Variants in RABGAP1L observed in about 807,000 individuals in gnomAD.
RABGAP1L encodes rab GTPase-activating protein 1-like.
In RABGAP1L, 63 loss-of-function variants were observed where a neutral mutation model predicts 137.7. The ratio of observed to expected loss-of-function variants is 0.46; its 90% CI spans 0.37 to 0.56. RABGAP1L has a LOEUF of 0.56. Ranked by LOEUF, RABGAP1L falls within the 20% of genes least tolerant of loss-of-function variation. RABGAP1L has a pLI of 0.00. For synonymous variants in RABGAP1L, 431 were observed against 433.7 expected, an observed-to-expected ratio of 0.99 and a Z score of 0.08; for missense variants, 1,095 against 1,244.0, an observed-to-expected ratio of 0.88 and a Z score of 1.80.
At chr1:174,940,266 C>G (rs1409129649) in intron 19 of RABGAP1L, among the ~76,000 whole-genome samples, 4 of 140,794 alleles carry the variant, frequency 2.8e-5, no homozygotes, top group African/African-American at 7.8e-5. Flanking sequence ...TTGTTTGTTT[C>G]TTTTTTTTTT....
intron 13 of RABGAP1L, among the ~76,000 whole-genome samples, chr1:174,526,167 G>A (rs1175675444): frequency 6.6e-6 from 1 of 152,082 alleles, no homozygotes; most frequent in South Asian, 2.1e-4. Flanking sequence ...GCATATTCTG[G>A]GTATTAGTCC....
chr1:174,188,827 C>T (rs1285782741), intron 1 of RABGAP1L, among the ~76,000 whole-genome samples: 2 of 152,134 alleles, frequency 1.3e-5, no homozygotes, highest in African/African-American at 2.4e-5. Flanking sequence ...TTATACAGCA[C>T]AGGCAGAGTA....
intron 13 of RABGAP1L, among the ~76,000 whole-genome samples, chr1:174,492,274 A>G (rs561764763): frequency 7.0e-6 from 1 of 143,620 alleles, no homozygotes; most frequent in African/African-American, 2.6e-5. Flanking sequence ...TCCGCCTCCC[A>G]GGTTCAAGTG....
rs1672053817 is a variant in RABGAP1L at position 174,991,524 on chromosome 1, C to T, written c.*1523C>T. ...AGTTGCTCACAGTGGATCTTTTCCT[C>T]TAAAATGATCTTTTATGTTCTAAAA... is the stretch of plus-strand genomic sequence containing the variant. On this transcript the variant is annotated 3_prime_UTR_variant, in exon 26 of 26. Coordinates refer to ENST00000681986, the MANE Select transcript of RABGAP1L (RefSeq NM_001366446.1). 6.6e-6 allele frequency: 1 copy of T among 152,198 alleles called. No homozygotes were observed. Among genetic ancestry groups the T allele is most frequent in the Non-Finnish European group, 1.5e-5 (1 of 68,046 alleles). 9.4% of individuals were successfully genotyped at this position (152,198 alleles called of 1,614,324 possible).
chr1:174,711,633 T>C (rs1245871574), intron 17 of RABGAP1L, among the ~76,000 whole-genome samples: 2 of 152,152 alleles, frequency 1.3e-5, no homozygotes, highest in Non-Finnish European at 2.9e-5. Context: ...TGCCTCCCCA[T>C]AGGGCAGGGT....
At chr1:174,450,388 C>T (rs1426808641) in intron 13 of RABGAP1L, among the ~76,000 whole-genome samples, 4 of 151,982 alleles carry the variant, frequency 2.6e-5, no homozygotes, top group African/African-American at 4.8e-5. Flanking sequence ...CTGTGCCTAA[C>T]GTTTTCTTAG....
At position 174,231,335 on chromosome 1, in the gene RABGAP1L, T is replaced by C; in HGVS notation, c.522T>C (p.Asn174=). The change falls in exon 4 of 26, where the codon AAT becomes AAC. Residue 174 remains asparagine (N), a synonymous_variant. Coordinates refer to ENST00000681986, the MANE Select transcript of RABGAP1L (RefSeq NM_001366446.1). ...TTCCTGTTACCCTGTATGTACCAAA[T>C]GTTCCAGAAGGTTCTGTGAGGTAAG... ...YPFPVTLYVP[N]VPEGSVRIID... The C allele has an allele frequency of 6.2e-7, 1 of 1,614,058 alleles. No homozygotes were observed. Among genetic ancestry groups the C allele is most frequent in the Non-Finnish European group, 8.5e-7 (1 of 1,179,940 alleles).
intron 19 of RABGAP1L, among the ~76,000 whole-genome samples, chr1:174,912,065 A>G (rs1203320906): frequency 1.3e-5 from 2 of 152,240 alleles, no homozygotes; most frequent in African/African-American, 4.8e-5. Flanking sequence ...GCTAGGATGT[A>G]TCATGCCTTA....
chr1:174,707,019 T>C (rs1466224988), intron 17 of RABGAP1L, among the ~76,000 whole-genome samples: 1 of 152,200 alleles, frequency 6.6e-6, no homozygotes, highest in East Asian at 1.9e-4. Flanking sequence ...TTTTGAACTT[T>C]CTTGAACTTG....
chr1:174,900,854 C>T (rs1041266338), intron 19 of RABGAP1L, among the ~76,000 whole-genome samples: 5 of 152,068 alleles, frequency 3.3e-5, no homozygotes, highest in Admixed American at 6.6e-5. Flanking sequence ...GCTAGGTTGA[C>T]GAAGTTCTCC....
chr1:174,282,555 TC>T (rs2148691341), intron 10 of RABGAP1L, among the ~76,000 whole-genome samples: 1 of 152,344 alleles, frequency 6.6e-6, no homozygotes, highest in South Asian at 2.1e-4. Flanking sequence ...AATAGTTTCT[TC>T]CTGACAGTGG....
chr1:174,494,765 A>G (rs914736221), intron 13 of RABGAP1L, among the ~76,000 whole-genome samples: 1 of 152,132 alleles, frequency 6.6e-6, no homozygotes, highest in African/African-American at 2.4e-5. Context: ...TTACCCTGGA[A>G]CCTAGGTTAC....
chr1:174,306,596 T>C (rs1678276298), intron 11 of RABGAP1L, among the ~76,000 whole-genome samples: 1 of 152,204 alleles, frequency 6.6e-6, no homozygotes, highest in African/African-American at 2.4e-5. Flanking sequence ...TCAAATGATC[T>C]CCTGTGACTT....
At position 174,173,911 on chromosome 1, in the gene RABGAP1L, T is replaced by C. The variant is rs192390705; in HGVS notation, c.-34+14254T>C. Among the ~76,000 whole-genome samples, 5 of 152,266 alleles carry C rather than the reference T, an allele frequency of 3.3e-5. No homozygotes were observed. In the East Asian group the frequency reaches 9.6e-4, roughly 29 times the overall value. On this transcript the variant is annotated intron_variant, in intron 1 of 25. Coordinates refer to ENST00000681986, the MANE Select transcript of RABGAP1L (RefSeq NM_001366446.1). ...TAGATATAGGTATGAAACTTTGAAATAGTAAGTCTTTACCTATCTAGACTC... is the reference window on the plus strand; with the variant it reads ...TAGATATAGGTATGAAACTTTGAAACAGTAAGTCTTTACCTATCTAGACTC...
chr1:174,634,934 G>A lies in RABGAP1L; in HGVS notation c.1711-2441G>A, dbSNP rs372364313. Among the ~76,000 whole-genome samples, 191 of 146,732 alleles carry A rather than the reference G, an allele frequency of 1.3e-3. 4 individuals carry two copies. The East Asian group carries it at 0.03, about 23-fold the overall frequency. On this transcript the variant is annotated intron_variant, in intron 13 of 25. Coordinates refer to ENST00000681986, the MANE Select transcript of RABGAP1L (RefSeq NM_001366446.1). ...GCATTGGGAGATATACCTAATGCTA[G>A]ATGACGAGTTAGTGGGTGCAGCGCA...
At chr1:174,474,643 G>A (rs532626436) in intron 13 of RABGAP1L, among the ~76,000 whole-genome samples, 21 of 152,008 alleles carry the variant, frequency 1.4e-4, no homozygotes, top group South Asian at 4.2e-4. Flanking sequence ...TTGCTCTGTC[G>A]CCAGGCTGGA....
chr1:174,378,053 G>C (rs1349822453), intron 12 of RABGAP1L, among the ~76,000 whole-genome samples: 9 of 143,102 alleles, frequency 6.3e-5, no homozygotes, highest in Non-Finnish European at 7.5e-5. Context: ...TTTTGTTCTT[G>C]CGATAGTTTA....
At chr1:174,568,057 G>T (rs1667700943) in intron 13 of RABGAP1L, among the ~76,000 whole-genome samples, 1 of 152,182 alleles carries the variant, frequency 6.6e-6, no homozygotes, top group African/African-American at 2.4e-5. Flanking sequence ...TGATCCGGGA[G>T]GCTGTACATG....
At chr1:174,744,192 A>C (rs1230612726) in intron 17 of RABGAP1L, among the ~76,000 whole-genome samples, 3 of 146,548 alleles carry the variant, frequency 2.0e-5, no homozygotes, top group Admixed American at 7.0e-5. Context: ...ACATTCTTTT[A>C]TTTAGTTACT....
Sources: gnomAD v4.1 joint callset for allele counts (sites outside exome capture counted in the v4.1 genomes callset) on GRCh38, gnomAD v4.1.1 for gene constraint, MANE v1.5 for transcripts, NCBI Gene and HGNC (gene_info 2026-07-23, HGNC 2026-07-21) for gene names.